The following CEP164 variants were observed in gnomAD, a reference collection of about 807,000 sequenced individuals.
The protein encoded by CEP164 is centrosomal protein of 164 kDa.
In CEP164, 162 loss-of-function variants were observed where a neutral mutation model predicts 182.7. That is an observed-to-expected ratio of 0.89 (90% CI 0.78 to 1.01). CEP164 has a LOEUF of 1.01. Ranked by LOEUF, CEP164 falls within the 50% of genes least tolerant of loss-of-function variation. The pLI is 0.00. For synonymous variants in CEP164, 661 were observed against 690.0 expected, an observed-to-expected ratio of 0.96 and a Z score of 0.66; for missense variants, 1,735 against 1,790.4, an observed-to-expected ratio of 0.97 and a Z score of 0.56.
At chr11:117,332,986 CCATGG>C (rs1454882795) in intron 1 of CEP164, among the ~76,000 whole-genome samples, 1 of 152,180 alleles carries the variant, frequency 6.6e-6, no homozygotes, top group Non-Finnish European at 1.5e-5. Flanking sequence ...TATTTGTTTG[CCATGG>C]CAGATCTAAG....
intron 8 of CEP164, among the ~76,000 whole-genome samples, chr11:117,366,868 TG>T (rs1183129356): frequency 1.3e-5 from 2 of 152,080 alleles, no homozygotes; most frequent in African/African-American, 2.4e-5. Context: ...TCATGGCTTT[TG>T]GGGGGCATGT....
chr11:117,358,757 C>T (rs938184125), intron 5 of CEP164, among the ~76,000 whole-genome samples: 3 of 151,926 alleles, frequency 2.0e-5, no homozygotes, highest in Non-Finnish European at 4.4e-5. Context: ...TGGTCTTGTA[C>T]CCCTGGCCTA....
At chr11:117,371,976 G>C (rs1317345864) in intron 9 of CEP164, among the ~76,000 whole-genome samples, 3 of 151,830 alleles carry the variant, frequency 2.0e-5, no homozygotes, top group African/African-American at 7.3e-5. Flanking sequence ...GAGTAGTTGA[G>C]ACCACAGGCA....
At chr11:117,372,828 T>C (rs2135950092) in intron 9 of CEP164, among the ~76,000 whole-genome samples, 1 of 152,300 alleles carries the variant, frequency 6.6e-6, no homozygotes, top group Admixed American at 6.5e-5. Flanking sequence ...GTCGGGGCAG[T>C]AGGTACCACA....
intron 27 of CEP164, among the ~76,000 whole-genome samples, chr11:117,400,379 G>A (rs1168805126): frequency 6.6e-6 from 1 of 152,130 alleles, no homozygotes; most frequent in Non-Finnish European, 1.5e-5. Context: ...TGCTGTTTTG[G>A]TTACTGTAGC....
intron 25 of CEP164, 118 bp downstream of exon 25, chr11:117,396,298 T>G (rs1038488157): frequency 1.6e-5 from 19 of 1,201,452 alleles, no homozygotes; most frequent in Non-Finnish European, 2.0e-5. Context: ...GGGTGGAGCC[T>G]CAGGAGGGGA....
intron 14 of CEP164, chr11:117,386,953 C>G (rs1049481943): frequency 2.0e-6 from 1 of 488,136 alleles, no homozygotes; most frequent in Non-Finnish European, 3.7e-6. Context: ...CCTCGTAAGT[C>G]TGCTGAGAGC....
Position 117,373,013 on chromosome 11 carries a change from T to C in CEP164, c.1153-738T>C, listed in dbSNP as rs137988125. On this transcript the variant is annotated intron_variant, in intron 9 of 32. Coordinates refer to ENST00000278935, the MANE Select transcript of CEP164 (RefSeq NM_014956.5). ...CTGAATGGGGAGATCCTTTGGCCTTTTAGATTTTTCAACCCTTAGTCCTAT... is the reference window on the plus strand; with the variant it reads ...CTGAATGGGGAGATCCTTTGGCCTTCTAGATTTTTCAACCCTTAGTCCTAT... 7.2e-5 allele frequency among the ~76,000 whole-genome samples: 11 copies of C among 152,260 alleles called. No individual in the cohort carries two copies. In the East Asian group the frequency reaches 1.7e-3, roughly 24 times the overall value.
At chr11:117,380,384 C>T (rs2043189084) in intron 11 of CEP164, among the ~76,000 whole-genome samples, 3 of 152,208 alleles carry the variant, frequency 2.0e-5, no homozygotes, top group Admixed American at 1.3e-4. Flanking sequence ...TCTTCTGCCA[C>T]ATCTTCCCCA....
intron 11 of CEP164, among the ~76,000 whole-genome samples, chr11:117,378,552 A>G (rs2042988417): frequency 6.6e-6 from 1 of 152,226 alleles, no homozygotes; most frequent in Non-Finnish European, 1.5e-5. Context: ...TGCATCTTAA[A>G]TGAAAACAAG....
At chr11:117,375,524 A>T (rs925142424) in intron 10 of CEP164, among the ~76,000 whole-genome samples, 184 bp from the exon 11 acceptor site, 12 of 152,208 alleles carry the variant, frequency 7.9e-5, no homozygotes, top group African/African-American at 2.7e-4. Flanking sequence ...CTTGCTTGAC[A>T]TATCTTTCCA....
At chr11:117,360,503 T>C (rs374782659) in intron 5 of CEP164, among the ~76,000 whole-genome samples, 2 of 152,092 alleles carry the variant, frequency 1.3e-5, no homozygotes, top group East Asian at 3.9e-4. Context: ...CCTGAGTAGG[T>C]GCGACTACAG....
intron 5 of CEP164, among the ~76,000 whole-genome samples, chr11:117,359,746 C>A (rs2040720718): frequency 6.6e-6 from 1 of 152,134 alleles, no homozygotes; most frequent in South Asian, 2.1e-4. Flanking sequence ...TTCTGATAAG[C>A]CTAAATTATT....
At chr11:117,347,922 A>C (rs2039125321) in intron 4 of CEP164, among the ~76,000 whole-genome samples, 1 of 152,026 alleles carries the variant, frequency 6.6e-6, no homozygotes, top group Non-Finnish European at 1.5e-5. Context: ...AAATAAGGAC[A>C]ATTTTTTATT....
chr11:117,371,144 G>T lies in CEP164; in HGVS notation c.830G>T (p.Gly277Val). The part of the protein sequence containing the change: ...KDVSLDSDAA[G>V]PPTPCKPSSP... ...GTTTCTCTGGATTCAGATGCTGCCG[G>T]TCCCCCTACTCCCTGCAAGCCCTCC... The change falls in exon 9 of 33, where the codon GGT (glycine) becomes GTT (valine). Residue 277 changes from glycine (G) to valine (V), a missense_variant. By Grantham distance (109) the Gly-to-Val change is moderately radical. Coordinates refer to ENST00000278935, the MANE Select transcript of CEP164 (RefSeq NM_014956.5). The T allele has an allele frequency of 6.2e-7, 1 of 1,612,754 alleles. No homozygotes were observed. Among genetic ancestry groups the T allele is most frequent in the South Asian group, 1.1e-5 (1 of 90,946 alleles).
At position 117,409,262 on chromosome 11, in the gene CEP164, G is replaced by A. The variant is rs563271622; in HGVS notation, c.3748+234G>A. 1 of 608,676 alleles carries A rather than the reference G, an allele frequency of 1.6e-6. No homozygotes were observed. The highest frequency in any genetic ancestry group is 2.9e-6 in the Non-Finnish European group (1 of 350,090). 37.7% of individuals were successfully genotyped at this position (608,676 alleles called of 1,614,324 possible). ...AATGCTGCAGAGCACTCTACGGTGT[G>A]ACCACTGGCCTTGCTGGCCTCTTCT... is the stretch of plus-strand genomic sequence containing the variant. On this transcript the variant is annotated intron_variant, in intron 29 of 32. Coordinates refer to ENST00000278935, the MANE Select transcript of CEP164 (RefSeq NM_014956.5). This position sits in a 1 kb window ranked among gnomAD's most constrained non-coding sequence, Gnocchi z 4.4.
intron 27 of CEP164, among the ~76,000 whole-genome samples, chr11:117,407,192 A>G (rs2046787027): frequency 6.6e-6 from 1 of 152,194 alleles, no homozygotes; most frequent in Non-Finnish European, 1.5e-5. Flanking sequence ...GGGTCAGCAG[A>G]GAGCAAGGGG....
chr11:117,375,835 C>T, intron 11 of CEP164, 44 bp downstream of exon 11: 1 of 1,582,108 alleles, frequency 6.3e-7, no homozygotes, highest in Non-Finnish European at 8.7e-7. Context: ...CCTCATTTTC[C>T]CTCACAACTT....
intron 4 of CEP164, among the ~76,000 whole-genome samples, chr11:117,346,253 G>T (rs149073621): frequency 1.3e-5 from 2 of 152,010 alleles, no homozygotes; most frequent in East Asian, 2.0e-4. Context: ...ATCCTGTAAG[G>T]AGAGTGTGAA....
Sources: allele counts gnomAD v4.1 joint callset (sites outside exome capture counted in the v4.1 genomes callset), GRCh38; gene constraint gnomAD v4.1.1; non-coding constraint Gnocchi (gnomAD v3.1); transcripts MANE v1.5; gene names NCBI Gene and HGNC (gene_info 2026-07-23, HGNC 2026-07-21).